Variants in TCF20 observed in about 807,000 individuals in gnomAD.
The protein encoded by TCF20 is transcription factor 20.
A neutral mutation model predicts 148.6 loss-of-function variants in TCF20; 3 were observed. The ratio of observed to expected loss-of-function variants is 0.02; its 90% confidence interval spans 0.01 to 0.05. The LOEUF (loss-of-function observed/expected upper bound fraction) is 0.05, where lower values mean the gene tolerates loss of function less well. TCF20 is among the 10% of genes least tolerant of loss of function. TCF20 has a pLI of 1.00. For missense variants in TCF20, 2,350 were observed against 2,429.3 expected, an observed-to-expected ratio of 0.97 and a Z score of 0.69; for synonymous variants, 1,049 against 909.5, an observed-to-expected ratio of 1.15 and a Z score of -2.76.
intron 1 of TCF20, among the ~76,000 whole-genome samples, chr22:42,260,649 TA>T (rs1473065899): frequency 6.6e-6 from 1 of 152,170 alleles, no homozygotes; most frequent in Non-Finnish European, 1.5e-5. Flanking sequence ...CATGCCTGGT[TA>T]ATTTTTAAAA....
chr22:42,173,285 C>G (rs527726993), intron 3 of TCF20, among the ~76,000 whole-genome samples: 19 of 146,684 alleles, frequency 1.3e-4, no homozygotes, highest in Non-Finnish European at 2.5e-4. Flanking sequence ...ATTACTGTAA[C>G]CCCCCCCACC....
chr22:42,257,754 G>A (rs577136188), intron 1 of TCF20, among the ~76,000 whole-genome samples: 121 of 152,328 alleles, frequency 7.9e-4, no homozygotes, highest in Non-Finnish European at 1.5e-3. Flanking sequence ...GGCTGGAGTT[G>A]AGAAGAGGAT....
intron 1 of TCF20, among the ~76,000 whole-genome samples, chr22:42,222,791 C>T (rs541716853): frequency 6.6e-6 from 1 of 152,282 alleles, no homozygotes; most frequent in East Asian, 1.9e-4. Flanking sequence ...CTTTACCTTG[C>T]TTAGTAAAAA....
chr22:42,175,101 T>C (rs1936372837), intron 3 of TCF20, among the ~76,000 whole-genome samples: 1 of 152,250 alleles, frequency 6.6e-6, no homozygotes, highest in Non-Finnish European at 1.5e-5. Context: ...GCTCCCCCTC[T>C]TTCCTGGCCA....
chr22:42,171,039 G>A (rs968437414), intron 3 of TCF20, among the ~76,000 whole-genome samples: 1 of 152,128 alleles, frequency 6.6e-6, no homozygotes, highest in African/African-American at 2.4e-5. Flanking sequence ...TTAATCCTTG[G>A]AGGAAAAATG....
chr22:42,189,738 A>C (rs920624706), intron 2 of TCF20, among the ~76,000 whole-genome samples: 1 of 152,194 alleles, frequency 6.6e-6, no homozygotes, highest in Non-Finnish European at 1.5e-5. Flanking sequence ...TACTTCTCCT[A>C]AAGTAGAGGA....
At chr22:42,178,488 T>C (rs1371882993) in intron 3 of TCF20, among the ~76,000 whole-genome samples, 1 of 151,956 alleles carries the variant, frequency 6.6e-6, no homozygotes, top group Non-Finnish European at 1.5e-5. Context: ...CAATGGTGAA[T>C]TACCTGTGTG....
chr22:42,183,045 C>T lies in TCF20; in HGVS notation c.5656-3343G>A, dbSNP rs5751237. Among the ~76,000 whole-genome samples, 3,518 of 152,314 alleles carry T rather than the reference C, an allele frequency of 0.023. 327 individuals are homozygous for T. The East Asian group carries it at 0.33, about 14-fold the overall frequency. ...AGCCACTGTGCTTGGCAGAAATGCA[C>T]GCTTTTGAGCCCCACCTAAATCTGT... On this transcript the variant is annotated intron_variant, in intron 2 of 5. Transcript: ENST00000677622.
chr22:42,247,508 G>A (rs1925022105), intron 1 of TCF20, among the ~76,000 whole-genome samples: 1 of 151,510 alleles, frequency 6.6e-6, no homozygotes, highest in Non-Finnish European at 1.5e-5. Context: ...TGGAAATAAA[G>A]GCACCTCTGG....
chr22:42,252,744 G>A (rs372258256), intron 1 of TCF20, among the ~76,000 whole-genome samples: 2 of 152,122 alleles, frequency 1.3e-5, no homozygotes, highest in African/African-American at 2.4e-5. Context: ...GAGCCACGGT[G>A]CCCAGCCTTT....
At chr22:42,229,797 G>GC (rs1172000820) in intron 1 of TCF20, among the ~76,000 whole-genome samples, 1 of 152,140 alleles carries the variant, frequency 6.6e-6, no homozygotes, top group Non-Finnish European at 1.5e-5. Context: ...TGGTGATCTT[G>GC]CCTTCCCCAA....
intron 2 of TCF20, among the ~76,000 whole-genome samples, chr22:42,201,404 A>G (rs1938005106): frequency 1.3e-5 from 2 of 152,176 alleles, no homozygotes; most frequent in Non-Finnish European, 2.9e-5. Context: ...CTGTGGATAC[A>G]CCACACAAAC....
chr22:42,323,474 G>A (rs1927772310), intron 1 of TCF20, among the ~76,000 whole-genome samples: 1 of 151,794 alleles, frequency 6.6e-6, no homozygotes, highest in Non-Finnish European at 1.5e-5. Flanking sequence ...CAGGAGGACG[G>A]TGGAAGAGAT....
chr22:42,197,322 CTT>C (rs546243265), intron 2 of TCF20, among the ~76,000 whole-genome samples: 30 of 134,156 alleles, frequency 2.2e-4, no homozygotes, highest in Non-Finnish European at 3.0e-4. Flanking sequence ...AGATGAGAAA[CTT>C]TTTTTTTTTT....
At chr22:42,332,760 G>A (rs1389372339) in intron 1 of TCF20, among the ~76,000 whole-genome samples, 1 of 152,208 alleles carries the variant, frequency 6.6e-6, no homozygotes, top group Non-Finnish European at 1.5e-5. Flanking sequence ...GAGCCACCGT[G>A]CCCCGCACAG....
intron 1 of TCF20, among the ~76,000 whole-genome samples, chr22:42,244,998 G>A (rs1216660103): frequency 2.0e-5 from 3 of 151,992 alleles, no homozygotes; most frequent in Non-Finnish European, 4.4e-5. Context: ...CACAAGATTT[G>A]CTTCAGCCTG....
intron 1 of TCF20, chr22:42,269,622 C>T (rs1227964395): frequency 4.6e-5 from 7 of 152,366 alleles, no homozygotes; most frequent in Non-Finnish European, 8.8e-5. Context: ...CAAACGAGCG[C>T]TCCCTCGCCC....
rs572658305 is a variant in TCF20 at position 42,193,125 on chromosome 22, C to T, written c.5656-13423G>A. ...AGATTCCTACCAGATTAGGAAGATA[C>T]TCAGCAAGAGTACAATCCTCATTTC... On this transcript the variant is annotated intron_variant, in intron 2 of 5. Coordinates refer to ENST00000677622, the MANE Select transcript of TCF20 (RefSeq NM_001378418.1). 1.4e-3 allele frequency among the ~76,000 whole-genome samples: 213 copies of T among 151,912 alleles called. 1 individual carries two copies. Among genetic ancestry groups the T allele is most frequent in the African/African-American group, 4.5e-3 (188 of 41,412 alleles).
At chr22:42,252,750 C>A (rs1008250946) in intron 1 of TCF20, among the ~76,000 whole-genome samples, 1 of 152,084 alleles carries the variant, frequency 6.6e-6, no homozygotes. Context: ...CGGTGCCCAG[C>A]CTTTAAAAGC....
Sources: allele counts gnomAD v4.1 joint callset (sites outside exome capture counted in the v4.1 genomes callset), GRCh38; gene constraint gnomAD v4.1.1; transcripts MANE v1.5; gene names NCBI Gene and HGNC (gene_info 2026-07-23, HGNC 2026-07-21).